Variants in SRD5A2 observed in about 807,000 individuals in gnomAD.
SRD5A2 encodes the protein steroid 5 alpha-reductase 2.
In SRD5A2, 30 loss-of-function variants were observed where a neutral mutation model predicts 27.4. The ratio of observed to expected loss-of-function variants is 1.10; its 90% CI spans 0.82 to 1.49. SRD5A2 has a LOEUF of 1.49. Among genes scored for constraint, SRD5A2 ranks in the 40% most tolerant of loss-of-function variants. The pLI, the probability that SRD5A2 is intolerant of heterozygous loss-of-function variation, is 0.00. For missense variants in SRD5A2, 348 were observed against 323.4 expected (o/e 1.08, Z -0.58); for synonymous variants, 141 against 133.6 (o/e 1.06, Z -0.38).
At chr2:31,529,159 G>C in intron 4 of SRD5A2, 148 bp downstream of exon 4, 4 of 1,180,848 alleles carry the variant, frequency 3.4e-6, no homozygotes, top group South Asian at 3.3e-5. Context: ...AGCCCAGCAA[G>C]TCAGAATATG....
At chr2:31,565,933 C>T (rs780205317) in intron 1 of SRD5A2, among the ~76,000 whole-genome samples, 3 of 151,948 alleles carry the variant, frequency 2.0e-5, no homozygotes, top group East Asian at 1.9e-4. Context: ...ACAATTATTA[C>T]GATTGATAGA....
chr2:31,531,561 G>GGGTCATTTAATTCCAAAAAATGAAGGGAA (rs1665909014), intron 2 of SRD5A2, 89 bp from the exon 3 acceptor site: 7 of 820,840 alleles, frequency 8.5e-6, no homozygotes, highest in Non-Finnish European at 3.9e-6. Flanking sequence ...AATGAAAGGA[G>GGGTCATTTAATTCCAAAAAATGAAGGGAA]GGGCATTTAA....
the SRD5A2 span, among the ~76,000 whole-genome samples, chr2:31,624,897 T>A: frequency 3.9e-5 from 6 of 152,108 alleles, no homozygotes; most frequent in African/African-American, 1.4e-4. Context: ...GCTGGGTCAG[T>A]TGGTATTTCT....
intron 2 of SRD5A2, among the ~76,000 whole-genome samples, chr2:31,532,977 A>G (rs413836): frequency 0.62 from 94,774 of 151,998 alleles, 30,012 homozygotes; most frequent in African/African-American, 0.72. Context: ...TGTCCAACCC[A>G]CAGCCTGTGG....
the SRD5A2 span, among the ~76,000 whole-genome samples, chr2:31,644,289 G>A: frequency 6.6e-6 from 1 of 152,298 alleles, no homozygotes; most frequent in Non-Finnish European, 1.5e-5. Context: ...CTGAGATATT[G>A]TTCCAGTTAA....
chr2:31,654,083 T>C, the SRD5A2 span, among the ~76,000 whole-genome samples: 2 of 135,080 alleles, frequency 1.5e-5, no homozygotes, highest in African/African-American at 5.4e-5. Context: ...TAAAGAAAGT[T>C]AAAAAAAAAA....
At chr2:31,538,029 T>C (rs1007224663) in intron 1 of SRD5A2, among the ~76,000 whole-genome samples, 4 of 152,192 alleles carry the variant, frequency 2.6e-5, no homozygotes, top group Admixed American at 2.6e-4. Context: ...TATTCAGTTA[T>C]AGCAGCGCAA....
At chr2:31,549,092 T>C (rs1193732373) in intron 1 of SRD5A2, among the ~76,000 whole-genome samples, 1 of 142,128 alleles carries the variant, frequency 7.0e-6, no homozygotes, top group African/African-American at 2.6e-5. Flanking sequence ...ATTATTATTA[T>C]TATTATTATT....
At chr2:31,538,456 G>A (rs575980600) in intron 1 of SRD5A2, among the ~76,000 whole-genome samples, 80 of 152,158 alleles carry the variant, frequency 5.3e-4, no homozygotes, top group African/African-American at 1.9e-3. Context: ...AACCTCTCCC[G>A]GGTATTTGTA....
At chr2:31,539,440 C>T (rs963480833) in intron 1 of SRD5A2, among the ~76,000 whole-genome samples, 1 of 152,196 alleles carries the variant, frequency 6.6e-6, no homozygotes. Context: ...ACTCTCACCC[C>T]ACTAGCAAAG....
the SRD5A2 span, among the ~76,000 whole-genome samples, chr2:31,593,344 C>G: frequency 6.6e-6 from 1 of 151,684 alleles, no homozygotes; most frequent in African/African-American, 2.4e-5. Flanking sequence ...AAAGAAAAGA[C>G]AATCACAACT....
chr2:31,576,057 A>G (rs1666953667), intron 1 of SRD5A2, among the ~76,000 whole-genome samples: 1 of 151,642 alleles, frequency 6.6e-6, no homozygotes, highest in Non-Finnish European at 1.5e-5. Context: ...AAGAAAACCT[A>G]GGCATTACCA....
the SRD5A2 span, among the ~76,000 whole-genome samples, chr2:31,654,245 A>T: frequency 6.6e-6 from 1 of 152,174 alleles, no homozygotes; most frequent in Non-Finnish European, 1.5e-5. Context: ...GGCTGAAACC[A>T]CATAAGCAAA....
the SRD5A2 span, among the ~76,000 whole-genome samples, chr2:31,600,252 T>C: frequency 1.3e-5 from 2 of 152,026 alleles, no homozygotes; most frequent in African/African-American, 4.8e-5. Flanking sequence ...TTTAAGTTAA[T>C]TCCATGTTTT....
chr2:31,654,574 T>C, the SRD5A2 span, among the ~76,000 whole-genome samples: 4 of 152,164 alleles, frequency 2.6e-5, no homozygotes, highest in African/African-American at 9.7e-5. Flanking sequence ...TTTGTCCCCA[T>C]CTTTTTACAG....
chr2:31,604,141 A>G, the SRD5A2 span, among the ~76,000 whole-genome samples: 1 of 151,828 alleles, frequency 6.6e-6, no homozygotes, highest in African/African-American at 2.4e-5. Flanking sequence ...TCAACATAAC[A>G]AAAGCTATAT....
the SRD5A2 span, among the ~76,000 whole-genome samples, chr2:31,660,173 A>C: frequency 6.6e-6 from 1 of 152,150 alleles, no homozygotes; most frequent in Non-Finnish European, 1.5e-5. Context: ...GAAGTCAGAC[A>C]AAGGAAACAC....
At chr2:31,579,503 T>C (rs1028930652) in intron 1 of SRD5A2, among the ~76,000 whole-genome samples, 2 of 152,236 alleles carry the variant, frequency 1.3e-5, no homozygotes, top group African/African-American at 4.8e-5. Flanking sequence ...CTCTGTTCTC[T>C]TCTTGCATAG....
At chr2:31,593,592 G>T in the SRD5A2 span, among the ~76,000 whole-genome samples, 1 of 152,144 alleles carries the variant, frequency 6.6e-6, no homozygotes, top group Admixed American at 6.6e-5. Flanking sequence ...TCTTGAGGAA[G>T]AAAATAAATC....
Sources: gnomAD v4.1 joint callset for allele counts (sites outside exome capture counted in the v4.1 genomes callset) on GRCh38, gnomAD v4.1.1 for gene constraint, MANE v1.5 for transcripts, NCBI Gene and HGNC (gene_info 2026-07-23, HGNC 2026-07-21) for gene names.